Variants in FER1L6 observed in about 807,000 individuals in gnomAD.
FER1L6 encodes the protein fer-1-like protein 6.
FER1L6 carries 177 observed loss-of-function variants against 219.2 expected under a neutral mutation model. The ratio of observed to expected loss-of-function variants is 0.81; its 90% confidence interval spans 0.71 to 0.91. The LOEUF is 0.91. Ranked by LOEUF, FER1L6 falls within the 40% of genes least tolerant of loss-of-function variation. The probability of loss-of-function intolerance (pLI) is 0.00; values close to 1 mark genes in which losing one functional copy is unlikely to be tolerated. For missense variants in FER1L6, 2,153 were observed against 2,259.9 expected (o/e 0.95, Z 0.96); for synonymous variants, 768 against 824.3 (o/e 0.93, Z 1.17).
chr8:124,062,851 T>C (rs1356940210), intron 25 of FER1L6, among the ~76,000 whole-genome samples: 2 of 134,304 alleles, frequency 1.5e-5, no homozygotes, highest in Non-Finnish European at 3.3e-5. Context: ...CAGGGGCCAC[T>C]CCAGAGAGCT....
intron 9 of FER1L6, among the ~76,000 whole-genome samples, chr8:123,977,137 A>G (rs1195930508): frequency 1.3e-5 from 2 of 152,176 alleles, no homozygotes; most frequent in African/African-American, 4.8e-5. Context: ...AACTACATCC[A>G]CTGTATTTCT....
intron 1 of FER1L6, among the ~76,000 whole-genome samples, chr8:123,854,309 A>T (rs1216604940): frequency 1.3e-5 from 2 of 152,184 alleles, no homozygotes; most frequent in Non-Finnish European, 2.9e-5. Context: ...GATACCCTCT[A>T]GATCATTCCA....
intron 22 of FER1L6, chr8:124,059,075 G>A (rs1438725372): frequency 1.3e-5 from 2 of 152,128 alleles, no homozygotes; most frequent in Admixed American, 6.5e-5. Context: ...TCAGTCAACC[G>A]GTAAACATCT....
chr8:123,914,566 A>G (rs1450194781), intron 1 of FER1L6, among the ~76,000 whole-genome samples: 1 of 152,186 alleles, frequency 6.6e-6, no homozygotes, highest in African/African-American at 2.4e-5. Context: ...CACCCACTCA[A>G]TTACTCAGAA....
chr8:123,963,138 A>T, intron 2 of FER1L6, 140 bp from the exon 3 acceptor site: 2 of 1,105,012 alleles, frequency 1.8e-6, no homozygotes, highest in Non-Finnish European at 2.6e-6. Flanking sequence ...ATAAGATGTT[A>T]AGTTTTATGC....
intron 1 of FER1L6, among the ~76,000 whole-genome samples, chr8:123,908,300 G>A (rs1812993371): frequency 6.6e-6 from 1 of 152,176 alleles, no homozygotes; most frequent in Non-Finnish European, 1.5e-5. Flanking sequence ...TGAAGACTGG[G>A]TATTTCTCTC....
At chr8:123,921,956 T>C (rs1318098563) in intron 1 of FER1L6, among the ~76,000 whole-genome samples, 1 of 152,198 alleles carries the variant, frequency 6.6e-6, no homozygotes, top group Non-Finnish European at 1.5e-5. Context: ...TGTTTCTCCA[T>C]TTCTGACAGG....
intron 12 of FER1L6, among the ~76,000 whole-genome samples, chr8:124,000,202 C>T (rs992267041): frequency 3.3e-5 from 5 of 152,068 alleles, no homozygotes; most frequent in African/African-American, 1.2e-4. Flanking sequence ...TTTTTCATCC[C>T]CAAGTGCTCA....
intron 21 of FER1L6, among the ~76,000 whole-genome samples, chr8:124,049,165 A>G (rs909785653): frequency 1.3e-5 from 2 of 151,754 alleles, no homozygotes; most frequent in Admixed American, 6.6e-5. Flanking sequence ...CTCCTGCCTC[A>G]GCCTCCCAAG....
At chr8:123,912,697 T>A (rs1307823814) in intron 1 of FER1L6, among the ~76,000 whole-genome samples, 1 of 152,110 alleles carries the variant, frequency 6.6e-6, no homozygotes, top group Non-Finnish European at 1.5e-5. Flanking sequence ...TTAGTAGGTA[T>A]TTTAGAGTCT....
chr8:124,082,543 AT>A, intron 33 of FER1L6, 85 bp downstream of exon 33: 1 of 1,308,492 alleles, frequency 7.6e-7, no homozygotes, highest in Non-Finnish European at 1.1e-6. Context: ...CCAGTTGTCC[AT>A]CTCTAGGAAG....
In FER1L6 at chr8:124,076,245, CATTGTGATCAAGCTTGGCA is replaced by C. The variant is rs1821284008; in HGVS notation, c.4142_4160del (p.Ile1381ArgfsTer15). ...ATCCAGATGGCAAATCAGATCCCTA[CATTGTGATCAAGCTTGGCA>C]AGACAGAAATCAAAGACCGGGATAA... On this transcript the variant is annotated frameshift_variant, in exon 32 of 41. Transcript: ENST00000522917. LOFTEE classifies it high-confidence loss of function. The C allele has an allele frequency of 6.2e-7, 1 of 1,613,960 alleles. No individual in the cohort carries two copies. Among genetic ancestry groups the C allele is most frequent in the Admixed American group, 1.7e-5 (1 of 60,000 alleles).
At chr8:123,884,303 T>TG (rs1817161245) in intron 1 of FER1L6, among the ~76,000 whole-genome samples, 1 of 152,156 alleles carries the variant, frequency 6.6e-6, no homozygotes, top group Non-Finnish European at 1.5e-5. Context: ...ATTATCCCCA[T>TG]GGGGCAGATT....
chr8:123,956,546 C>T (rs565574449), intron 2 of FER1L6, among the ~76,000 whole-genome samples: 1 of 152,314 alleles, frequency 6.6e-6, no homozygotes, highest in Admixed American at 6.5e-5. Context: ...TAGGTATTGT[C>T]ACCCTAGTTT....
chr8:124,068,647 T>A (rs945897663), intron 28 of FER1L6, among the ~76,000 whole-genome samples: 2 of 152,198 alleles, frequency 1.3e-5, no homozygotes, highest in Non-Finnish European at 2.9e-5. Flanking sequence ...CAAAAAGCTT[T>A]GGAGTCAGTC....
At chr8:123,903,054 T>A (rs181272789) in intron 1 of FER1L6, among the ~76,000 whole-genome samples, 9 of 151,738 alleles carry the variant, frequency 5.9e-5, no homozygotes, top group African/African-American at 2.2e-4. Context: ...CCTTCATATA[T>A]GATGCTTAGT....
intron 1 of FER1L6, among the ~76,000 whole-genome samples, chr8:123,863,141 A>T (rs1816773571): frequency 7.1e-5 from 7 of 98,590 alleles, no homozygotes; most frequent in Non-Finnish European, 1.4e-4. Context: ...CCCTCTACAC[A>T]CTGCTTTGAA....
At chr8:123,902,712 T>C (rs1812880676) in intron 1 of FER1L6, among the ~76,000 whole-genome samples, 1 of 152,164 alleles carries the variant, frequency 6.6e-6, no homozygotes, top group East Asian at 1.9e-4. Context: ...CGGCAGCAAA[T>C]GGTTGGTGAG....
intron 1 of FER1L6, among the ~76,000 whole-genome samples, chr8:123,952,298 C>A (rs779144141): frequency 6.6e-6 from 1 of 152,234 alleles, no homozygotes. Context: ...TCCAGCCCCT[C>A]TTTCTTGTGC....
Sources: gnomAD v4.1 joint callset for allele counts (sites outside exome capture counted in the v4.1 genomes callset) on GRCh38, gnomAD v4.1.1 for gene constraint, MANE v1.5 for transcripts, NCBI Gene and HGNC (gene_info 2026-07-23, HGNC 2026-07-21) for gene names.